STXBP4: variants seen among roughly 807,000 people sequenced by gnomAD.
STXBP4 encodes syntaxin-binding protein 4.
Under a neutral mutation model 76.1 loss-of-function variants are expected in STXBP4, and 55 were observed. The ratio of observed to expected loss-of-function variants is 0.72; its 90% confidence interval spans 0.58 to 0.91. The LOEUF (loss-of-function observed/expected upper bound fraction) is 0.91. Among genes scored for constraint, STXBP4 ranks in the 40% least tolerant of loss-of-function variants. The pLI is 0.00. For missense variants in STXBP4, 618 were observed against 636.9 expected, an observed-to-expected ratio of 0.97 and a Z score of 0.32; for synonymous variants, 201 against 220.2, an observed-to-expected ratio of 0.91 and a Z score of 0.77.
At position 55,165,461 on chromosome 17, in the gene STXBP4, C is replaced by T. The variant is rs548989924; in HGVS notation, c.*5550C>T. ...TGAGCTTCCTCCAGCCCAATGTGGT[C>T]AACATTGGAGGATTAGATTGATTTC... On this transcript the variant is annotated 3_prime_UTR_variant, in exon 18 of 18. Coordinates refer to ENST00000376352, the MANE Select transcript of STXBP4 (RefSeq NM_178509.6). The T allele has an allele frequency of 7.9e-5, 12 of 152,200 alleles. No homozygotes were observed. The highest frequency in any genetic ancestry group is 2.4e-4 in the African/African-American group (10 of 41,464). 9.4% of individuals were successfully genotyped at this position (152,200 alleles called of 1,614,324 possible). A position where few individuals can be genotyped will look rare whatever the true frequency, so the allele number is the denominator to read the frequency against.
In STXBP4 at chr17:55,109,010, C is replaced by T. The variant is rs186624249; in HGVS notation, c.1489+27827C>T. Among the ~76,000 whole-genome samples, 458 of 152,226 alleles carry T rather than the reference C, an allele frequency of 3.0e-3. 5 individuals are homozygous for T. The highest frequency in any genetic ancestry group is 0.011 in the African/African-American group (443 of 41,542). ...GTTGACAAAAATACATCCCCCATTGCTTTTACTGTCGATTTCAGATTGATA... is the reference window on the plus strand; with the variant it reads ...GTTGACAAAAATACATCCCCCATTGTTTTTACTGTCGATTTCAGATTGATA... On this transcript the variant is annotated intron_variant, in intron 16 of 17. Coordinates refer to ENST00000376352, the MANE Select transcript of STXBP4 (RefSeq NM_178509.6).
chr17:55,043,531 G>T (rs976192747), intron 11 of STXBP4: 3 of 1,214,332 alleles, frequency 2.5e-6, no homozygotes, highest in Non-Finnish European at 2.3e-6. Flanking sequence ...CAATATCTGT[G>T]CAACATTTAG....
the STXBP4 span, among the ~76,000 whole-genome samples, chr17:55,178,896 T>A: frequency 6.6e-6 from 1 of 152,228 alleles, no homozygotes; most frequent in Non-Finnish European, 1.5e-5. Context: ...TCTGTTTTAC[T>A]CATTCTATCC....
intron 16 of STXBP4, among the ~76,000 whole-genome samples, chr17:55,084,125 C>T (rs530652970): frequency 6.6e-6 from 1 of 152,214 alleles, no homozygotes; most frequent in East Asian, 1.9e-4. Context: ...TATTTCTCCA[C>T]ATCCTCTCCA....
intron 17 of STXBP4, among the ~76,000 whole-genome samples, chr17:55,151,012 G>A (rs1328644027): frequency 6.6e-6 from 1 of 152,182 alleles, no homozygotes; most frequent in Non-Finnish European, 1.5e-5. Context: ...GCAGAATTTA[G>A]GATATGTTAT....
intron 12 of STXBP4, among the ~76,000 whole-genome samples, chr17:55,069,473 G>A (rs779296015): frequency 6.6e-6 from 1 of 152,096 alleles, no homozygotes; most frequent in Non-Finnish European, 1.5e-5. Context: ...AAGACAGCCT[G>A]GGAGGAAAAG....
At position 55,047,185 on chromosome 17, in the gene STXBP4, CGTGTGTGTGTGTGT is replaced by C. The variant is rs34336794; in HGVS notation, c.1011+51_1011+64del. 7 of 807,968 alleles carry C rather than the reference CGTGTGTGTGTGTGT, an allele frequency of 8.7e-6. No homozygotes were observed. In the South Asian group the frequency reaches 1.0e-4, roughly 12 times the overall value. 50.0% of individuals were successfully genotyped at this position (807,968 alleles called of 1,614,324 possible). On this transcript the variant is annotated intron_variant, in intron 12 of 17. Coordinates refer to ENST00000376352, the MANE Select transcript of STXBP4 (RefSeq NM_178509.6). ...TATATGTATTGTGTATATATGTGCT[CGTGTGTGTGTGTGT>C]GTGTGTGTGTGTGTGTGTGAACATA... is the stretch of plus-strand genomic sequence containing the variant.
intron 12 of STXBP4, among the ~76,000 whole-genome samples, chr17:55,054,474 A>T (rs1335779029): frequency 6.6e-6 from 1 of 152,170 alleles, no homozygotes; most frequent in East Asian, 1.9e-4. Flanking sequence ...TAATAGAGTG[A>T]TATTTCATCT....
At chr17:55,010,057 A>C (rs2078080109) in intron 8 of STXBP4, among the ~76,000 whole-genome samples, 1 of 152,060 alleles carries the variant, frequency 6.6e-6, no homozygotes, top group African/African-American at 2.4e-5. Context: ...AAATAAAATA[A>C]AATAGTATAT....
rs2080388496 is a variant in STXBP4, at chr17:55,168,307, A to G, written c.*8396A>G. 1 of 151,810 alleles carries G rather than the reference A, an allele frequency of 6.6e-6. No homozygotes were observed. Among genetic ancestry groups the G allele is most frequent in the Non-Finnish European group, 1.5e-5 (1 of 67,936 alleles). 9.4% of individuals were successfully genotyped at this position (151,810 alleles called of 1,614,324 possible). A position where few individuals can be genotyped will look rare whatever the true frequency, so the allele number is the denominator to read the frequency against. On this transcript the variant is annotated 3_prime_UTR_variant, in exon 18 of 18. Coordinates refer to ENST00000376352, the MANE Select transcript of STXBP4 (RefSeq NM_178509.6). ...AGAAATATTTAATAAAATCTACACAATTTCAAAAATATGACCAAATACTGG... is the reference window on the plus strand; with the variant it reads ...AGAAATATTTAATAAAATCTACACAGTTTCAAAAATATGACCAAATACTGG...
chr17:54,976,924 C>G (rs1049108912), intron 1 of STXBP4, among the ~76,000 whole-genome samples: 1 of 152,132 alleles, frequency 6.6e-6, no homozygotes, highest in African/African-American at 2.4e-5. Flanking sequence ...TGACCAACTC[C>G]TCTTCCTTAC....
At chr17:55,159,493 G>A (rs549198537) in intron 17 of STXBP4, among the ~76,000 whole-genome samples, 1 of 152,326 alleles carries the variant, frequency 6.6e-6, no homozygotes, top group African/African-American at 2.4e-5. Context: ...ACAGATTCCA[G>A]AGATGTTACA....
intron 17 of STXBP4, among the ~76,000 whole-genome samples, chr17:55,153,631 GTTTATTAAACTTCT>G (rs1012557312): frequency 1.3e-5 from 2 of 152,122 alleles, no homozygotes; most frequent in Non-Finnish European, 2.9e-5. Flanking sequence ...TTAGTCAGAT[GTTTATTAAACTTCT>G]TTTGTTGATT....
In STXBP4 at chr17:55,078,078, G is replaced by A. The variant is rs765793724; in HGVS notation, c.1189G>A (p.Glu397Lys). The change falls in exon 14 of 18, where the codon GAA becomes AAA. Residue 397 changes from glutamate to lysine, a missense_variant and splice_region_variant. Transcript: ENST00000376352. The part of the protein sequence containing the change: ...QLADYSDQNK[E>K]SVQDLKKRIM... The stretch of plus-strand genomic sequence containing the variant: ...TGCTCCTTTTGATATCTCTGTGCAG[G>A]AAAGTGTTCAGGATTTAAAAAAGAG... The A allele has an allele frequency of 1.6e-5, 25 of 1,595,634 alleles. No individual in the cohort carries two copies. In the East Asian group the frequency reaches 4.7e-4, roughly 30 times the overall value.
intron 8 of STXBP4, among the ~76,000 whole-genome samples, chr17:55,009,593 TC>T (rs1212824170): frequency 6.6e-6 from 1 of 152,120 alleles, no homozygotes; most frequent in Non-Finnish European, 1.5e-5. Context: ...CAGTTTTGGT[TC>T]CCCTTTAAGC....
intron 8 of STXBP4, among the ~76,000 whole-genome samples, chr17:55,021,291 G>T (rs2144626506): frequency 6.6e-6 from 1 of 152,228 alleles, no homozygotes; most frequent in South Asian, 2.1e-4. Context: ...GGAGGCCAAG[G>T]CAAGCAGATC....
At position 55,031,264 on chromosome 17, in the gene STXBP4, G is replaced by C. The variant is rs753832965; in HGVS notation, c.763G>C (p.Asp255His). The change falls in exon 9 of 18, where the codon GAT becomes CAT. Residue 255 changes from aspartate (D) to histidine (H), a missense_variant and splice_region_variant. Physicochemically the swap from Asp to His is moderately conservative, Grantham distance 81. Coordinates refer to ENST00000376352, the MANE Select transcript of STXBP4 (RefSeq NM_178509.6). ...ADSKGTVSFG[D>H]FVQVARNLFC... ...CTCAAAAGGGACAGTGTCTTTTGGA[G>C]GTAATATTAGGTTTATTGTGTTGTA... The C allele has an allele frequency of 6.2e-7, 1 of 1,601,378 alleles. No individual in the cohort carries two copies. Among genetic ancestry groups the C allele is most frequent in the Non-Finnish European group, 8.6e-7 (1 of 1,169,008 alleles).
chr17:55,026,068 A>G (rs939530862), intron 8 of STXBP4, among the ~76,000 whole-genome samples: 2 of 152,240 alleles, frequency 1.3e-5, no homozygotes, highest in African/African-American at 4.8e-5. Context: ...GAAGTGCAAG[A>G]CATATATACT....
At chr17:55,009,613 A>G (rs2078070310) in intron 8 of STXBP4, among the ~76,000 whole-genome samples, 1 of 152,148 alleles carries the variant, frequency 6.6e-6, no homozygotes, top group East Asian at 1.9e-4. Context: ...GCCTTAACAA[A>G]TTATTTTTGT....
Sources: gnomAD v4.1 joint callset for allele counts (sites outside exome capture counted in the v4.1 genomes callset) on GRCh38, gnomAD v4.1.1 for gene constraint, MANE v1.5 for transcripts, NCBI Gene and HGNC (gene_info 2026-07-23, HGNC 2026-07-21) for gene names.